Variants in CD53 observed in about 807,000 individuals in gnomAD.
The protein encoded by CD53 is CD53 molecule.
In CD53, 20 loss-of-function variants were observed where a neutral mutation model predicts 27.3. That is an observed-to-expected ratio of 0.73 (90% confidence interval 0.52 to 1.07). CD53 has a LOEUF of 1.07. Ranked by LOEUF, CD53 falls within the 50% of genes least tolerant of loss-of-function variation. The pLI, the probability that CD53 is intolerant of heterozygous loss-of-function variation, is 0.00. For synonymous variants in CD53, 106 were observed against 105.3 expected (o/e 1.01, Z -0.04); for missense variants, 216 against 264.0 (o/e 0.82, Z 1.26).
At position 110,899,540 on chromosome 1, in the gene CD53, A is replaced by C. The variant is rs943794519; in HGVS notation, c.*345A>C. The C allele has an allele frequency of 3.7e-5, 8 of 216,734 alleles. No individual in the cohort carries two copies. Among genetic ancestry groups the C allele is most frequent in the African/African-American group, 1.2e-4 (5 of 42,610 alleles). 13.4% of individuals were successfully genotyped at this position (216,734 alleles called of 1,614,324 possible). ...GAATTTTTGCATCTTCCCATTGTCGAATTAGTCTCCAGCCTCTAAATAATG... is the reference window on the plus strand; with the variant it reads ...GAATTTTTGCATCTTCCCATTGTCGCATTAGTCTCCAGCCTCTAAATAATG... On this transcript the variant is annotated 3_prime_UTR_variant, in exon 8 of 8. Transcript: ENST00000271324.
intron 1 of CD53, among the ~76,000 whole-genome samples, chr1:110,883,925 G>GA (rs1656461203): frequency 6.6e-6 from 1 of 151,766 alleles, no homozygotes; most frequent in Non-Finnish European, 1.5e-5. Flanking sequence ...TTTTAAAATT[G>GA]ATTACCTGTG....
At chr1:110,881,037 G>A (rs1342595275) in intron 1 of CD53, among the ~76,000 whole-genome samples, 3 of 152,176 alleles carry the variant, frequency 2.0e-5, no homozygotes, top group African/African-American at 7.2e-5. Context: ...ATTCAATATT[G>A]CTTTGCTAAA....
Position 110,899,250 on chromosome 1 carries a change from AT to A in CD53, c.*58del, listed in dbSNP as rs1657202336. 4.8e-6 allele frequency: 6 copies of A among 1,258,462 alleles called. No individual in the cohort carries two copies. The South Asian group carries it at 7.2e-5, about 15-fold the overall frequency. The allele number at this position is 1,258,462 out of a possible 1,614,324, so 78.0% of individuals were successfully genotyped here. On this transcript the variant is annotated 3_prime_UTR_variant, in exon 8 of 8. Transcript: ENST00000271324. ...GTTTCATCTCCGGAAATGCAAAACC[AT>A]TTATAGCATGAAGCCCTACATGATC...
intron 1 of CD53, among the ~76,000 whole-genome samples, chr1:110,877,389 C>A (rs61803957): frequency 0.011 from 1,695 of 152,292 alleles, 12 homozygotes; most frequent in Middle Eastern, 0.037. Flanking sequence ...AGCCGAGGGA[C>A]CCCGTATGTA....
chr1:110,880,878 A>G (rs1479965610), intron 1 of CD53, among the ~76,000 whole-genome samples: 5 of 152,156 alleles, frequency 3.3e-5, no homozygotes, highest in African/African-American at 1.2e-4. Flanking sequence ...GGGTGTGAAG[A>G]CTTAGACACA....
At chr1:110,885,325 C>T (rs560218315) in intron 1 of CD53, among the ~76,000 whole-genome samples, 14 of 152,086 alleles carry the variant, frequency 9.2e-5, no homozygotes, top group East Asian at 7.7e-4. Context: ...CCGAGGCGGG[C>T]GGATCACAAG....
At chr1:110,895,490 A>G (rs1181975361) in intron 5 of CD53, among the ~76,000 whole-genome samples, 2 of 152,182 alleles carry the variant, frequency 1.3e-5, no homozygotes, top group African/African-American at 4.8e-5. Flanking sequence ...GTATATGTAC[A>G]GCATATACAA....
intron 2 of CD53, 24 bp from the exon 3 acceptor site, chr1:110,892,321 A>C (rs1213256631): frequency 6.3e-7 from 1 of 1,596,218 alleles, no homozygotes; most frequent in Non-Finnish European, 8.6e-7. Flanking sequence ...TTGCTTCAGG[A>C]TGTTGTGGGA....
At chr1:110,871,847 A>ACACACC (rs769082440), upstream of CD53, among the ~76,000 whole-genome samples, 8 of 147,582 alleles carry the variant, frequency 5.4e-5, no homozygotes, top group African/African-American at 1.5e-4. Flanking sequence ...ACACACACAC[A>ACACACC]CCACACAGTT....
At chr1:110,897,047 G>A (rs1314562561) in intron 6 of CD53, among the ~76,000 whole-genome samples, 1 of 152,226 alleles carries the variant, frequency 6.6e-6, no homozygotes, top group African/African-American at 2.4e-5. Context: ...GTCTCCTTAT[G>A]GTTAAAGTGA....
intron 1 of CD53, among the ~76,000 whole-genome samples, chr1:110,888,418 T>C (rs2101054571): frequency 6.6e-6 from 1 of 152,340 alleles, no homozygotes; most frequent in Admixed American, 6.5e-5. Context: ...GGAAACTGTC[T>C]GTGAATATAA....
intron 1 of CD53, among the ~76,000 whole-genome samples, chr1:110,882,992 G>A (rs1457103758): frequency 7.2e-5 from 11 of 151,976 alleles, no homozygotes; most frequent in Non-Finnish European, 1.5e-5. Context: ...AGACATTCAT[G>A]ATATCTGTGA....
At chr1:110,872,927 C>T (rs1656006821), upstream of CD53, among the ~76,000 whole-genome samples, 1 of 152,200 alleles carries the variant, frequency 6.6e-6, no homozygotes, top group African/African-American at 2.4e-5. Flanking sequence ...CCACTGCTCA[C>T]AGATCTGTGC....
intron 2 of CD53, among the ~76,000 whole-genome samples, chr1:110,891,729 G>A (rs2070747): frequency 0.64 from 97,426 of 152,094 alleles, 33,262 homozygotes; most frequent in Non-Finnish European, 0.77. Context: ...ACTACTACTC[G>A]TAGCTAACAT....
At position 110,889,121 on chromosome 1, in the gene CD53, A is replaced by T. The variant is rs1246929765; in HGVS notation, c.-17-2271A>T. On this transcript the variant is annotated intron_variant, in intron 1 of 7. Coordinates refer to ENST00000271324, the MANE Select transcript of CD53 (RefSeq NM_000560.4). ...TTCTAAGAGTTAATTTAATTTTTTT[A>T]AAATTCTAGATAAAATGAATAAGAT... 3.9e-5 allele frequency among the ~76,000 whole-genome samples: 6 copies of T among 152,172 alleles called. No homozygotes were observed. In the South Asian group the frequency reaches 6.2e-4, roughly 16 times the overall value.
chr1:110,875,566 A>G (rs753647202), intron 1 of CD53, among the ~76,000 whole-genome samples: 2 of 152,162 alleles, frequency 1.3e-5, no homozygotes, highest in Admixed American at 6.5e-5. Flanking sequence ...GCGTCCCTAG[A>G]TTAGTCAGCC....
chr1:110,873,533 A>T (rs1006886322), intron 1 of CD53, among the ~76,000 whole-genome samples: 1 of 152,168 alleles, frequency 6.6e-6, no homozygotes, highest in Non-Finnish European at 1.5e-5. Context: ...CTGTGTAGTA[A>T]TTCCTGATGC....
At chr1:110,882,078 C>G (rs1656376582) in intron 1 of CD53, among the ~76,000 whole-genome samples, 1 of 152,128 alleles carries the variant, frequency 6.6e-6, no homozygotes, top group South Asian at 2.1e-4. Context: ...TCTTTTCATT[C>G]TCTTAACAGT....
intron 1 of CD53, among the ~76,000 whole-genome samples, chr1:110,881,124 G>A (rs901378068): frequency 2.0e-5 from 3 of 152,082 alleles, no homozygotes; most frequent in African/African-American, 7.2e-5. Context: ...GGCCTTTGAC[G>A]TAAGTGTACA....
Sources: allele counts gnomAD v4.1 joint callset (sites outside exome capture counted in the v4.1 genomes callset), GRCh38; gene constraint gnomAD v4.1.1; transcripts MANE v1.5; gene names NCBI Gene and HGNC (gene_info 2026-07-23, HGNC 2026-07-21).